The following GUCY1A2 variants were observed in gnomAD, a reference collection of about 807,000 sequenced individuals.
GUCY1A2 encodes the protein guanylate cyclase 1 soluble subunit alpha 2.
A neutral mutation model predicts 63.5 loss-of-function variants in GUCY1A2; 27 were observed. That is an observed-to-expected ratio of 0.43 (90% CI 0.31 to 0.59). The LOEUF (loss-of-function observed/expected upper bound fraction) is 0.59, where lower values mean the gene tolerates loss of function less well. Ranked by LOEUF, GUCY1A2 falls within the 20% of genes least tolerant of loss-of-function variation. GUCY1A2 has a pLI of 0.11. For synonymous variants in GUCY1A2, 364 were observed against 343.5 expected (o/e 1.06, Z -0.66); for missense variants, 768 against 913.3 (o/e 0.84, Z 2.05).
intron 6 of GUCY1A2, among the ~76,000 whole-genome samples, chr11:106,720,140 T>C (rs981051737): frequency 3.3e-5 from 5 of 152,238 alleles, no homozygotes; most frequent in Non-Finnish European, 7.3e-5. Context: ...CTCCTCAGAC[T>C]TAATGCATTC....
intron 6 of GUCY1A2, among the ~76,000 whole-genome samples, chr11:106,713,434 AAACT>A (rs1374880956): frequency 6.6e-6 from 1 of 151,852 alleles, no homozygotes; most frequent in Admixed American, 6.6e-5. Flanking sequence ...CCTCTTAAAC[AAACT>A]AAGTGTAAAG....
chr11:106,964,928 C>A (rs1258155161), intron 3 of GUCY1A2, among the ~76,000 whole-genome samples: 1 of 151,992 alleles, frequency 6.6e-6, no homozygotes, highest in African/African-American at 2.4e-5. Context: ...TGCAGTGAGC[C>A]GAGATTGCAC....
chr11:107,000,165 G>A (rs1246412044), intron 1 of GUCY1A2, among the ~76,000 whole-genome samples: 2 of 152,104 alleles, frequency 1.3e-5, no homozygotes, highest in African/African-American at 4.8e-5. Flanking sequence ...AGAACAAAGG[G>A]GAAGATTGGT....
At chr11:106,872,606 A>C (rs2135465389) in intron 4 of GUCY1A2, among the ~76,000 whole-genome samples, 1 of 152,288 alleles carries the variant, frequency 6.6e-6, no homozygotes, top group South Asian at 2.1e-4. Context: ...GTGAATACAA[A>C]TCAGAAAAAG....
At chr11:106,921,834 A>G (rs1860448241) in intron 4 of GUCY1A2, among the ~76,000 whole-genome samples, 1 of 152,152 alleles carries the variant, frequency 6.6e-6, no homozygotes, top group East Asian at 1.9e-4. Context: ...CACTTGAGTG[A>G]AAGCCCATTA....
In GUCY1A2 at chr11:106,939,779, C is replaced by T; in HGVS notation, c.887G>A (p.Cys296Tyr). ...GTTCTTCATGATATTAGTATTTTCA[C>T]ATTCTTTGATAAGGAAAGTAAGACA... ...CSCLTFLIKECENTNIMKNLP... is the reference protein window; with the variant it reads ...CSCLTFLIKEYENTNIMKNLP... The change falls in exon 4 of 8, where the codon TGT becomes TAT. Residue 296 changes from cysteine to tyrosine, a missense_variant. Cys to Tyr is a radical substitution (Grantham distance 194, BLOSUM62 -2). Around this residue, in one of 3 missense-constraint regions of GUCY1A2, gnomAD observed 496 missense variants for 486.9 expected, o/e 1.02. Transcript: ENST00000526355. 1 of 1,614,040 alleles carries T rather than the reference C, an allele frequency of 6.2e-7. No homozygotes were observed. The highest frequency in any genetic ancestry group is 8.5e-7 in the Non-Finnish European group (1 of 1,179,894).
rs527771391 is a variant in GUCY1A2, at chr11:106,952,168, G to C, written c.488-11990C>G. On this transcript the variant is annotated intron_variant, in intron 3 of 7. Coordinates refer to ENST00000526355, the MANE Select transcript of GUCY1A2 (RefSeq NM_000855.3). ...TCGTAGTATACTTTGAAGTCAGGTAGCATGAGGTCTCCAGCTTTGTTCTTT... is the reference window on the plus strand; with the variant it reads ...TCGTAGTATACTTTGAAGTCAGGTACCATGAGGTCTCCAGCTTTGTTCTTT... Among the ~76,000 whole-genome samples, 13 of 152,256 alleles carry C rather than the reference G, an allele frequency of 8.5e-5. No homozygotes were observed. The South Asian group carries it at 1.5e-3, about 17-fold the overall frequency.
chr11:106,757,266 T>A (rs11211898), intron 6 of GUCY1A2, among the ~76,000 whole-genome samples: 7 of 152,158 alleles, frequency 4.6e-5, no homozygotes, highest in African/African-American at 1.7e-4. Flanking sequence ...TTTCCAAGGC[T>A]TTTTAGCTTC....
chr11:106,935,921 T>C (rs1196398668), intron 4 of GUCY1A2, among the ~76,000 whole-genome samples: 3 of 151,978 alleles, frequency 2.0e-5, no homozygotes, highest in Non-Finnish European at 4.4e-5. Context: ...GTATATATGT[T>C]AAGTATGATT....
At chr11:106,981,939 C>T (rs954637967) in intron 2 of GUCY1A2, among the ~76,000 whole-genome samples, 6 of 152,112 alleles carry the variant, frequency 3.9e-5, no homozygotes, top group Non-Finnish European at 7.4e-5. Flanking sequence ...GAGTCATTTA[C>T]TAACAGTAGT....
At chr11:106,964,237 G>A (rs1861098064) in intron 3 of GUCY1A2, among the ~76,000 whole-genome samples, 1 of 151,914 alleles carries the variant, frequency 6.6e-6, no homozygotes, top group African/African-American at 2.4e-5. Context: ...TTATTTCCTA[G>A]TCCGAGATCC....
At chr11:106,694,638 C>G (rs1862684532) in intron 7 of GUCY1A2, among the ~76,000 whole-genome samples, 1 of 152,170 alleles carries the variant, frequency 6.6e-6, no homozygotes, top group Non-Finnish European at 1.5e-5. Flanking sequence ...ACACGTTAGT[C>G]TAACATCTAA....
intron 6 of GUCY1A2, among the ~76,000 whole-genome samples, chr11:106,736,582 C>A (rs940352220): frequency 5.9e-5 from 9 of 151,930 alleles, no homozygotes; most frequent in Admixed American, 2.6e-4. Context: ...CAGTCTTATT[C>A]TTTTTGCTCA....
chr11:106,760,148 G>A (rs760954063), intron 6 of GUCY1A2, among the ~76,000 whole-genome samples: 2 of 152,100 alleles, frequency 1.3e-5, no homozygotes, highest in Non-Finnish European at 2.9e-5. Flanking sequence ...CTCCAGAACA[G>A]TGAGACAACA....
At chr11:106,960,373 G>C (rs1037148073) in intron 3 of GUCY1A2, among the ~76,000 whole-genome samples, 1 of 152,128 alleles carries the variant, frequency 6.6e-6, no homozygotes, top group African/African-American at 2.4e-5. Context: ...TAAGGAATTA[G>C]AACAGATTAT....
intron 4 of GUCY1A2, chr11:106,936,638 T>A (rs1450957512): frequency 1.5e-5 from 22 of 1,494,598 alleles, no homozygotes; most frequent in Non-Finnish European, 1.8e-5. Flanking sequence ...TCTGGAAGAG[T>A]TTTTTTCTAA....
At chr11:107,004,255 C>T (rs981910914) in intron 1 of GUCY1A2, among the ~76,000 whole-genome samples, 1 of 152,116 alleles carries the variant, frequency 6.6e-6, no homozygotes, top group African/African-American at 2.4e-5. Flanking sequence ...TGGAGTTAAA[C>T]AGAACAAGAT....
intron 4 of GUCY1A2, among the ~76,000 whole-genome samples, chr11:106,896,916 T>C (rs1225054156): frequency 2.0e-5 from 3 of 152,196 alleles, no homozygotes; most frequent in African/African-American, 7.2e-5. Flanking sequence ...AAACTGTCTC[T>C]GTTCAGAGAT....
At chr11:106,818,569 T>G (rs559714036) in intron 4 of GUCY1A2, among the ~76,000 whole-genome samples, 9 of 152,222 alleles carry the variant, frequency 5.9e-5, no homozygotes, top group African/African-American at 2.2e-4. Flanking sequence ...GACCTCTAAG[T>G]GTTCAAGTGA....
Sources: allele counts gnomAD v4.1 joint callset (sites outside exome capture counted in the v4.1 genomes callset), GRCh38; gene constraint gnomAD v4.1.1; regional missense constraint gnomAD v4.1.1; transcripts MANE v1.5; gene names NCBI Gene and HGNC (gene_info 2026-07-23, HGNC 2026-07-21).